FGGY: variants seen among roughly 807,000 people sequenced by gnomAD.
The protein encoded by FGGY is FGGY carbohydrate kinase domain-containing protein.
A neutral mutation model predicts 71.3 loss-of-function variants in FGGY; 72 were observed. The ratio of observed to expected loss-of-function variants is 1.01; its 90% confidence interval spans 0.84 to 1.23. The LOEUF (loss-of-function observed/expected upper bound fraction) is 1.23, where lower values mean the gene tolerates loss of function less well. Ranked by LOEUF, FGGY falls within the 50% of genes most tolerant of loss-of-function variation. The pLI, the probability that FGGY is intolerant of heterozygous loss-of-function variation, is 0.00. For missense variants in FGGY, 668 were observed against 682.3 expected, an observed-to-expected ratio of 0.98 and a Z score of 0.23; for synonymous variants, 251 against 250.3, an observed-to-expected ratio of 1.00 and a Z score of -0.02.
At chr1:59,402,385 A>T (rs1388896882) in intron 5 of FGGY, among the ~76,000 whole-genome samples, 1 of 152,218 alleles carries the variant, frequency 6.6e-6, no homozygotes, top group African/African-American at 2.4e-5. Context: ...TGTAGGACCA[A>T]GAGTGGGCTA....
chr1:59,382,709 TA>T (rs550937702), intron 5 of FGGY, among the ~76,000 whole-genome samples: 46 of 152,320 alleles, frequency 3.0e-4, no homozygotes, highest in African/African-American at 1.1e-3. Flanking sequence ...TCTTGTTTGT[TA>T]GTCAAGCAGT....
At position 59,681,791 on chromosome 1, in the gene FGGY, C is replaced by CAA. The variant is rs1385091175; in HGVS notation, c.1512+7659_1512+7660insAA. On this transcript the variant is annotated intron_variant, in intron 14 of 15. Transcript: ENST00000303721. ...AAAATTGCCTTGAAAAATACACACA[C>CAA]ACACACACACACATGCACACACACA... 9.2e-4 allele frequency among the ~76,000 whole-genome samples: 97 copies of CAA among 105,814 alleles called. 1 individual carries two copies. Among genetic ancestry groups the CAA allele is most frequent in the Non-Finnish European group, 2.2e-5 (1 of 46,500 alleles). 69.4% of individuals were successfully genotyped at this position (105,814 alleles called of 152,430 possible).
intron 6 of FGGY, among the ~76,000 whole-genome samples, chr1:59,488,315 G>A (rs926312811): frequency 6.6e-6 from 1 of 151,772 alleles, no homozygotes; most frequent in Non-Finnish European, 1.5e-5. Context: ...CGCAGAAATG[G>A]AATTACTAAG....
chr1:59,569,105 G>A (rs1219099419), intron 8 of FGGY, among the ~76,000 whole-genome samples: 2 of 152,132 alleles, frequency 1.3e-5, no homozygotes, highest in African/African-American at 2.4e-5. Flanking sequence ...TGACAGCTAG[G>A]ATTTATTAAA....
chr1:59,463,624 G>A (rs1172721170), intron 6 of FGGY, among the ~76,000 whole-genome samples: 44 of 151,160 alleles, frequency 2.9e-4, no homozygotes, highest in South Asian at 2.1e-4. Context: ...CCCGTCTCAC[G>A]TGCAGAGACA....
At chr1:59,638,502 C>G in intron 11 of FGGY, 127 bp downstream of exon 11, 1 of 1,074,690 alleles carries the variant, frequency 9.3e-7, no homozygotes, top group South Asian at 1.6e-5. Flanking sequence ...TGGCTTTGTG[C>G]AGATGCATTG....
chr1:59,345,983 T>C (rs2051801133), intron 3 of FGGY, among the ~76,000 whole-genome samples: 1 of 152,148 alleles, frequency 6.6e-6, no homozygotes, highest in South Asian at 2.1e-4. Flanking sequence ...CTTGATAATA[T>C]AATTAATTGG....
At chr1:59,438,013 G>A (rs2068861169) in intron 5 of FGGY, among the ~76,000 whole-genome samples, 1 of 152,240 alleles carries the variant, frequency 6.6e-6, no homozygotes, top group South Asian at 2.1e-4. Context: ...GTATGTGAGT[G>A]TTTAAATGTG....
intron 14 of FGGY, chr1:59,699,136 A>C (rs1305657576): frequency 5.1e-6 from 5 of 985,286 alleles, no homozygotes; most frequent in Non-Finnish European, 6.0e-6. Context: ...TTATAAAACA[A>C]ATTATACCAC....
At chr1:59,588,947 T>C (rs942172973) in intron 8 of FGGY, among the ~76,000 whole-genome samples, 2 of 152,132 alleles carry the variant, frequency 1.3e-5, no homozygotes, top group Non-Finnish European at 1.5e-5. Context: ...CAATATTAAC[T>C]TTAAATGTAA....
intron 14 of FGGY, among the ~76,000 whole-genome samples, chr1:59,694,019 T>C (rs775605148): frequency 4.3e-5 from 6 of 140,614 alleles, no homozygotes; most frequent in Non-Finnish European, 7.6e-5. Flanking sequence ...AAAAAGTAAA[T>C]GGCCGGGCGC....
intron 4 of FGGY, among the ~76,000 whole-genome samples, chr1:59,357,954 A>C (rs835440): frequency 1 from 152,113 of 152,316 alleles, 75,955 homozygotes; most frequent in Non-Finnish European, 1. Context: ...TGCTTTATGT[A>C]CACATGGTAT....
rs112374437 is a variant in FGGY at position 59,437,392 on chromosome 1, C to T, written c.555-19569C>T. ...AGCTCTCATCACAGGCCAGGCACTG[C>T]GCTAAGCACGCAGTCTGCACCCCTT... On this transcript the variant is annotated intron_variant, in intron 5 of 15. Transcript: ENST00000303721. 4.9e-3 allele frequency among the ~76,000 whole-genome samples: 742 copies of T among 152,344 alleles called. 6 individuals carry two copies. The highest frequency in any genetic ancestry group is 0.017 in the African/African-American group (703 of 41,588).
At chr1:59,307,884 A>G (rs753636960) in intron 1 of FGGY, among the ~76,000 whole-genome samples, 1 of 152,180 alleles carries the variant, frequency 6.6e-6, no homozygotes, top group African/African-American at 2.4e-5. Context: ...TAGTTAGAAC[A>G]AACTATAGAT....
chr1:59,325,231 C>G (rs1325131156), intron 2 of FGGY, among the ~76,000 whole-genome samples: 3 of 151,880 alleles, frequency 2.0e-5, no homozygotes, highest in Non-Finnish European at 4.4e-5. Context: ...GTGGCGGGCG[C>G]CTGTAGTCCC....
chr1:59,712,154 T>G (rs1198955936), intron 14 of FGGY, among the ~76,000 whole-genome samples: 2 of 152,154 alleles, frequency 1.3e-5, no homozygotes, highest in Non-Finnish European at 1.5e-5. Context: ...ACAGGCCCCA[T>G]GCAAGTCCAA....
At chr1:59,450,513 C>T (rs1250841430) in intron 5 of FGGY, among the ~76,000 whole-genome samples, 1 of 152,034 alleles carries the variant, frequency 6.6e-6, no homozygotes, top group African/African-American at 2.4e-5. Context: ...CTCCTTCTCC[C>T]TCCTCCTATA....
intron 14 of FGGY, among the ~76,000 whole-genome samples, chr1:59,702,832 G>A (rs2097720811): frequency 6.6e-6 from 1 of 152,132 alleles, no homozygotes; most frequent in African/African-American, 2.4e-5. Context: ...GACACCAGCT[G>A]GGCAGCTTCC....
chr1:59,472,485 C>T (rs1466091933), intron 6 of FGGY, among the ~76,000 whole-genome samples: 1 of 152,254 alleles, frequency 6.6e-6, no homozygotes, highest in Non-Finnish European at 1.5e-5. Context: ...CGGCGCGGGA[C>T]TGGCAGGCAG....
Sources: allele counts gnomAD v4.1 joint callset (sites outside exome capture counted in the v4.1 genomes callset), GRCh38; gene constraint gnomAD v4.1.1; transcripts MANE v1.5; gene names NCBI Gene and HGNC (gene_info 2026-07-23, HGNC 2026-07-21).